Variants in SNX14 observed in about 807,000 individuals in gnomAD.
The protein encoded by SNX14 is sorting nexin 14, also known as sorting nexin-14.
Under a neutral mutation model 133.8 loss-of-function variants are expected in SNX14, and 93 were observed. That is an observed-to-expected ratio of 0.70 (90% CI 0.59 to 0.83). The LOEUF (loss-of-function observed/expected upper bound fraction) is 0.83. SNX14 is among the 40% of genes least tolerant of loss of function. The pLI is 0.00. For missense variants in SNX14, 945 were observed against 1,094.9 expected (o/e 0.86, Z 1.93); for synonymous variants, 368 against 365.6 (o/e 1.01, Z -0.07).
intron 6 of SNX14, among the ~76,000 whole-genome samples, chr6:85,559,500 CT>C (rs1244280097): frequency 2.0e-5 from 3 of 152,124 alleles, no homozygotes; most frequent in African/African-American, 7.2e-5. Flanking sequence ...CTAAATGATT[CT>C]TTGTTTTCAT....
rs548244244 is a variant in SNX14, at chr6:85,520,015, C to CAGTAGTAGT, written c.2108-1976_2108-1968dup. Among the ~76,000 whole-genome samples, 8 of 150,702 alleles carry CAGTAGTAGT rather than the reference C, an allele frequency of 5.3e-5. No homozygotes were observed. The East Asian group carries it at 1.2e-3, about 22-fold the overall frequency. On this transcript the variant is annotated intron_variant, in intron 21 of 28. Coordinates refer to ENST00000314673, the MANE Select transcript of SNX14 (RefSeq NM_153816.6). ...TATATTTAGAAATATTGCTTTTATA[C>CAGTAGTAGT]AGTAGTAGTAGTAGTAGTAGTAGTA...
At chr6:85,589,143 G>A (rs140577513) in intron 1 of SNX14, 80 of 216,660 alleles carry the variant, frequency 3.7e-4, no homozygotes, top group African/African-American at 1.6e-3. Flanking sequence ...AAGGGTCCAT[G>A]TGATAAAAGA....
At chr6:85,518,505 AT>A (rs1330166745) in intron 21 of SNX14, among the ~76,000 whole-genome samples, 1 of 152,192 alleles carries the variant, frequency 6.6e-6, no homozygotes, top group East Asian at 1.9e-4. Context: ...TATATTCTGA[AT>A]TTTAGATTAA....
intron 4 of SNX14, chr6:85,568,573 G>C (rs1029792794): frequency 6.6e-6 from 1 of 152,176 alleles, no homozygotes; most frequent in Non-Finnish European, 1.5e-5. Context: ...TCCATTTCTT[G>C]GATTTGGGTG....
At chr6:85,512,640 A>G (rs1025784991) in intron 26 of SNX14, among the ~76,000 whole-genome samples, 1 of 142,142 alleles carries the variant, frequency 7.0e-6, no homozygotes, top group South Asian at 2.3e-4. Context: ...AAAAAAAAAA[A>G]TGTGGATGGG....
intron 7 of SNX14, among the ~76,000 whole-genome samples, chr6:85,552,068 G>A (rs892251609): frequency 2.4e-5 from 3 of 126,744 alleles, no homozygotes; most frequent in Non-Finnish European, 4.7e-5. Flanking sequence ...ACGGAGTCTC[G>A]CTCTGTCGCC....
chr6:85,572,393 A>G lies in SNX14; in HGVS notation c.262-19T>C, dbSNP rs1156384360. The G allele has an allele frequency of 3.2e-6, 5 of 1,584,006 alleles. No homozygotes were observed. The African/African-American group carries it at 4.1e-5, about 13-fold the overall frequency. ...CTAACTGCTAAAAAAGGAAAATGAG[A>G]GGTGGTGGGGAGATCCATCTTTACA... On this transcript the variant is annotated intron_variant, in intron 2 of 28. Transcript: ENST00000314673.
intron 23 of SNX14, among the ~76,000 whole-genome samples, chr6:85,515,145 T>C (rs900236158): frequency 6.6e-6 from 1 of 151,244 alleles, no homozygotes; most frequent in Admixed American, 6.6e-5. Context: ...TGCGTGCCTG[T>C]AGTCCCAGCT....
Position 85,505,865 on chromosome 6 carries a change from C to T in SNX14, c.*102G>A, listed in dbSNP as rs1044147325. ...AAAAAATAACTAAAATTTCAGACAG[C>T]GATGTACATAATATATATAAGAATA... On this transcript the variant is annotated 3_prime_UTR_variant, in exon 29 of 29. Coordinates refer to ENST00000314673, the MANE Select transcript of SNX14 (RefSeq NM_153816.6). The T allele has an allele frequency of 2.0e-5, 15 of 740,438 alleles. No homozygotes were observed. The highest frequency in any genetic ancestry group is 1.5e-4 in the Admixed American group (6 of 39,968). The allele number at this position is 740,438 out of a possible 1,614,324, so 45.9% of individuals were successfully genotyped here.
chr6:85,520,502 C>T (rs1421436619), intron 21 of SNX14, among the ~76,000 whole-genome samples: 1 of 151,350 alleles, frequency 6.6e-6, no homozygotes, highest in Non-Finnish European at 1.5e-5. Flanking sequence ...GGACTACAGG[C>T]GCCCACCACC....
intron 18 of SNX14, among the ~76,000 whole-genome samples, chr6:85,530,990 T>C (rs184599144): frequency 1.3e-5 from 2 of 152,300 alleles, no homozygotes; most frequent in Admixed American, 1.3e-4. Flanking sequence ...TACTATCCAA[T>C]AGAACTTTCT....
chr6:85,571,075 C>T (rs969312419), intron 4 of SNX14, among the ~76,000 whole-genome samples: 12 of 151,794 alleles, frequency 7.9e-5, no homozygotes, highest in African/African-American at 2.4e-4. Flanking sequence ...CTTAGAGGCC[C>T]GGCATGGTGG....
chr6:85,530,179 A>C lies in SNX14; in HGVS notation c.1894+13T>G, dbSNP rs772652848. The C allele has an allele frequency of 6.7e-7, 1 of 1,498,324 alleles. No individual in the cohort carries two copies. The highest frequency in any genetic ancestry group is 1.8e-5 in the Admixed American group (1 of 56,492). 92.8% of individuals were successfully genotyped at this position (1,498,324 alleles called of 1,614,324 possible). ...GCTGAAATGTAATGTTTTATCCAAA[A>C]AGAATAACATACCATGAAATTCTGT... On this transcript the variant is annotated intron_variant, in intron 19 of 28. Transcript: ENST00000314673.
In SNX14 at chr6:85,548,997, G is replaced by T. The variant is rs1333765883; in HGVS notation, c.792-621C>A. Among the ~76,000 whole-genome samples, 3 of 144,968 alleles carry T rather than the reference G, an allele frequency of 2.1e-5. No homozygotes were observed. The East Asian group carries it at 6.0e-4, about 29-fold the overall frequency. On this transcript the variant is annotated intron_variant, in intron 8 of 28. Transcript: ENST00000314673. ...TAATTAAAAAAAAAAAAGAAAGAAA[G>T]AAAATACTTTCTATCTAAGAATACT...
intron 21 of SNX14, among the ~76,000 whole-genome samples, chr6:85,518,989 AT>A (rs1407702124): frequency 6.6e-6 from 1 of 152,220 alleles, no homozygotes; most frequent in Admixed American, 6.5e-5. Context: ...ACTGGATTCT[AT>A]AAACTCAGTA....
intron 14 of SNX14, 135 bp downstream of exon 14, chr6:85,543,047 C>T (rs1582787166): frequency 5.7e-6 from 5 of 878,464 alleles, no homozygotes; most frequent in Middle Eastern, 3.9e-4. Flanking sequence ...GGATTATAGG[C>T]GTGAGCAACT....
chr6:85,544,678 G>A (rs986011437), intron 12 of SNX14, among the ~76,000 whole-genome samples: 1 of 152,166 alleles, frequency 6.6e-6, no homozygotes, highest in Non-Finnish European at 1.5e-5. Context: ...TGTAGTCCCA[G>A]CTACTTCGGA....
chr6:85,564,072 T>G (rs1365741181), intron 6 of SNX14, among the ~76,000 whole-genome samples: 3 of 152,338 alleles, frequency 2.0e-5, no homozygotes, highest in Middle Eastern at 3.4e-3. Flanking sequence ...GTTTCCAGCT[T>G]CATCCATGTC....
At chr6:85,508,199 C>A in intron 26 of SNX14, 140 bp from the exon 27 acceptor site, 1 of 1,346,094 alleles carries the variant, frequency 7.4e-7, no homozygotes. Flanking sequence ...ACCAGTGTTT[C>A]TATAAGAGGC....
Sources: gnomAD v4.1 joint callset for allele counts (sites outside exome capture counted in the v4.1 genomes callset) on GRCh38, gnomAD v4.1.1 for gene constraint, MANE v1.5 for transcripts, NCBI Gene and HGNC (gene_info 2026-07-23, HGNC 2026-07-21) for gene names.